Variants in RFC3 observed in about 807,000 individuals in gnomAD.
RFC3 encodes the protein replication factor C subunit 3.
A neutral mutation model predicts 45.1 loss-of-function variants in RFC3; 41 were observed. The ratio of observed to expected loss-of-function variants is 0.91; its 90% confidence interval spans 0.71 to 1.18. The LOEUF (loss-of-function observed/expected upper bound fraction) is 1.18, where lower values mean the gene tolerates loss of function less well. Among genes scored for constraint, RFC3 ranks in the 50% most tolerant of loss-of-function variants. RFC3 has a pLI of 0.00. For missense variants in RFC3, 423 were observed against 428.1 expected, an observed-to-expected ratio of 0.99 and a Z score of 0.10; for synonymous variants, 149 against 144.0, an observed-to-expected ratio of 1.03 and a Z score of -0.25.
At chr13:33,919,483 C>A (rs926244834) in intron 8 of RFC3, among the ~76,000 whole-genome samples, 1 of 152,070 alleles carries the variant, frequency 6.6e-6, no homozygotes, top group African/African-American at 2.4e-5. Flanking sequence ...CTCGATAAAT[C>A]TGTTACACCA....
In RFC3 at chr13:33,876,013, T is replaced by C. The variant is rs1227434004; in HGVS notation, c.879+40796T>C. Among the ~76,000 whole-genome samples, 3 of 152,254 alleles carry C rather than the reference T, an allele frequency of 2.0e-5. No homozygotes were observed. In the East Asian group the frequency reaches 5.8e-4, roughly 29 times the overall value. Reference sequence around the variant, plus strand: ...TGTTAGCTATTGATTTTGATTATCCTAAGCGTTAACTACTGATATCCGTTA... The same window carrying C: ...TGTTAGCTATTGATTTTGATTATCCCAAGCGTTAACTACTGATATCCGTTA... On this transcript the variant is annotated intron_variant, in intron 8 of 8. Coordinates refer to the RFC3 transcript ENST00000434425.
At chr13:33,942,986 G>A (rs932024861) in intron 8 of RFC3, among the ~76,000 whole-genome samples, 13 of 152,204 alleles carry the variant, frequency 8.5e-5, no homozygotes, top group Admixed American at 5.9e-4. Context: ...CACCTTCAGA[G>A]TGGCTCCCAT....
At chr13:33,821,523 A>T (rs2082003935) in intron 2 of RFC3, among the ~76,000 whole-genome samples, 1 of 152,242 alleles carries the variant, frequency 6.6e-6, no homozygotes, top group South Asian at 2.1e-4. Flanking sequence ...TTAATTTCAG[A>T]TTACCTAATA....
chr13:33,891,146 A>G (rs1208062511), intron 8 of RFC3, among the ~76,000 whole-genome samples: 1 of 152,212 alleles, frequency 6.6e-6, no homozygotes, highest in Non-Finnish European at 1.5e-5. Flanking sequence ...TAAGAAACTA[A>G]GCATTTTTAC....
At chr13:33,884,671 A>T (rs1414530729) in intron 8 of RFC3, among the ~76,000 whole-genome samples, 1 of 152,144 alleles carries the variant, frequency 6.6e-6, no homozygotes, top group African/African-American at 2.4e-5. Context: ...TCGAATATTA[A>T]ATCTATTGAT....
At chr13:33,892,339 G>T (rs1434873612) in intron 8 of RFC3, among the ~76,000 whole-genome samples, 5 of 152,166 alleles carry the variant, frequency 3.3e-5, no homozygotes, top group African/African-American at 1.2e-4. Flanking sequence ...TCCCTCATAT[G>T]TTAATAGAAG....
intron 8 of RFC3, among the ~76,000 whole-genome samples, chr13:33,929,910 G>A (rs117987597): frequency 2.0e-5 from 3 of 152,098 alleles, no homozygotes; most frequent in East Asian, 1.9e-4. Context: ...ATAAATTCTC[G>A]AGTCAGAAAG....
At chr13:33,859,205 G>A (rs928913559) in intron 8 of RFC3, among the ~76,000 whole-genome samples, 5 of 152,066 alleles carry the variant, frequency 3.3e-5, no homozygotes, top group Admixed American at 6.6e-5. Flanking sequence ...TATAAAACTC[G>A]GAAGCTGAGC....
At chr13:33,822,661 A>G (rs912755705) in intron 2 of RFC3, among the ~76,000 whole-genome samples, 3 of 152,206 alleles carry the variant, frequency 2.0e-5, no homozygotes, top group Admixed American at 6.5e-5. Flanking sequence ...CTAGTTATCT[A>G]TCCAGAGAAA....
intron 8 of RFC3, among the ~76,000 whole-genome samples, chr13:33,869,942 G>A (rs997268051): frequency 3.9e-5 from 6 of 152,116 alleles, no homozygotes; most frequent in South Asian, 2.1e-4. Context: ...TACAAATCTC[G>A]GAGAAAGAAG....
At chr13:33,929,309 G>A (rs1243805944) in intron 8 of RFC3, among the ~76,000 whole-genome samples, 1 of 151,932 alleles carries the variant, frequency 6.6e-6, no homozygotes, top group East Asian at 1.9e-4. Flanking sequence ...GTACACTTGT[G>A]GGCTTTAAAA....
chr13:33,872,144 G>A (rs570995940), intron 8 of RFC3, among the ~76,000 whole-genome samples: 2 of 152,242 alleles, frequency 1.3e-5, no homozygotes, highest in African/African-American at 4.8e-5. Flanking sequence ...CTGTGACAAA[G>A]GGCAGAGTGT....
chr13:33,920,871 T>C lies in RFC3; in HGVS notation c.880-45216T>C, dbSNP rs1426823964. Among the ~76,000 whole-genome samples the C allele has an allele frequency of 2.0e-5, 3 of 152,132 alleles. No individual in the cohort carries two copies. In the East Asian group the frequency reaches 5.8e-4, roughly 29 times the overall value. ...AAATGAGTCTTTATCTTACTAAATC[T>C]TCCCTACTACATAGTTGGTTCATAT... On this transcript the variant is annotated intron_variant, in intron 8 of 8. Transcript: ENST00000434425.
chr13:33,961,722 A>G (rs985613555), intron 8 of RFC3, among the ~76,000 whole-genome samples: 1 of 152,206 alleles, frequency 6.6e-6, no homozygotes, highest in Non-Finnish European at 1.5e-5. Flanking sequence ...CAGATACAAG[A>G]GGAACACTCA....
chr13:33,931,201 A>G (rs570330720), intron 8 of RFC3, among the ~76,000 whole-genome samples: 105 of 152,272 alleles, frequency 6.9e-4, no homozygotes, highest in Non-Finnish European at 1.3e-3. Flanking sequence ...CTGATGTTAC[A>G]TGCTGCTCAC....
chr13:33,938,184 C>CAAAAAAAAAAAAAAAAAAAAA (rs34685731), intron 8 of RFC3, among the ~76,000 whole-genome samples: 4 of 70,768 alleles, frequency 5.7e-5, no homozygotes, highest in African/African-American at 2.3e-4. Flanking sequence ...AGTCCAACTG[C>CAAAAAAAAAAAAAAAAAAAAA]AAAAAAAAAA....
intron 8 of RFC3, among the ~76,000 whole-genome samples, chr13:33,892,450 A>G (rs939092228): frequency 1.3e-5 from 2 of 152,188 alleles, no homozygotes; most frequent in East Asian, 1.9e-4. Flanking sequence ...AACTGTAAGC[A>G]TTCCAAAGCT....
chr13:33,879,488 A>G (rs907347171), intron 8 of RFC3, among the ~76,000 whole-genome samples: 2 of 152,156 alleles, frequency 1.3e-5, no homozygotes, highest in African/African-American at 2.4e-5. Flanking sequence ...GAAGTTTTAC[A>G]AGGCCAATTT....
chr13:33,886,942 T>C (rs2082529127), intron 8 of RFC3, among the ~76,000 whole-genome samples: 1 of 149,298 alleles, frequency 6.7e-6, no homozygotes, highest in South Asian at 2.1e-4. Flanking sequence ...ATTTCATCCA[T>C]GTCCCTACAA....
Sources: gnomAD v4.1 joint callset for allele counts (sites outside exome capture counted in the v4.1 genomes callset) on GRCh38, gnomAD v4.1.1 for gene constraint, MANE v1.5 for transcripts, NCBI Gene and HGNC (gene_info 2026-07-23, HGNC 2026-07-21) for gene names.